NOD2: variants seen among roughly 807,000 people sequenced by gnomAD.
NOD2 encodes nucleotide binding oligomerization domain containing 2.
In NOD2, 86 loss-of-function variants were observed where a neutral mutation model predicts 90.9. The observed-to-expected ratio is 0.95, with a 90% confidence interval of 0.79 to 1.13. The LOEUF is 1.13. NOD2 is among the 50% of genes most tolerant of loss of function. The pLI, the probability that NOD2 is intolerant of heterozygous loss-of-function variation, is 0.00. For missense variants in NOD2, 1,238 were observed against 1,283.8 expected (o/e 0.96, Z 0.55); for synonymous variants, 581 against 554.6 (o/e 1.05, Z -0.67).
intron 2 of NOD2, 110 bp downstream of exon 2, chr16:50,700,064 T>C: frequency 2.0e-6 from 2 of 1,000,392 alleles, no homozygotes; most frequent in South Asian, 2.7e-5. Context: ...GTCCATGGGA[T>C]TTCCCCTAAA....
At chr16:50,720,828 G>A (rs988856069) in intron 7 of NOD2, among the ~76,000 whole-genome samples, 4 of 151,674 alleles carry the variant, frequency 2.6e-5, no homozygotes, top group Non-Finnish European at 4.4e-5. Flanking sequence ...TGTTTGAGAT[G>A]TAGTCTCACT....
chr16:50,718,528 G>A (rs888780946), intron 6 of NOD2, among the ~76,000 whole-genome samples: 2 of 152,222 alleles, frequency 1.3e-5, no homozygotes, highest in African/African-American at 4.8e-5. Flanking sequence ...TGAAACCATA[G>A]AAGGCGAAGC....
chr16:50,718,161 A>C (rs1964882852), intron 6 of NOD2, among the ~76,000 whole-genome samples: 1 of 152,228 alleles, frequency 6.6e-6, no homozygotes, highest in Non-Finnish European at 1.5e-5. Context: ...GTGTGGTGGT[A>C]AAATGCCTGT....
chr16:50,705,709 G>A, intron 2 of NOD2, among the ~76,000 whole-genome samples: 1 of 152,088 alleles, frequency 6.6e-6, no homozygotes. Context: ...CAGATCCTAG[G>A]GTACACACTG....
At chr16:50,721,378 G>T (rs574834403) in intron 7 of NOD2, among the ~76,000 whole-genome samples, 2,470 of 133,012 alleles carry the variant, frequency 0.019, 66 homozygotes, top group South Asian at 0.13. Flanking sequence ...TTTTTTTTTT[G>T]TTTGTTTGTT....
chr16:50,730,497 A>G (rs568089566), intron 11 of NOD2, among the ~76,000 whole-genome samples: 36 of 152,324 alleles, frequency 2.4e-4, no homozygotes, highest in Admixed American at 2.3e-3. Flanking sequence ...TCTTGTTTCC[A>G]GGGATCTATT....
chr16:50,712,581 G>A, intron 4 of NOD2: 1 of 647,954 alleles, frequency 1.5e-6, no homozygotes, highest in Non-Finnish European at 2.7e-6. Context: ...TATGTGCTGG[G>A]TCTGGTGCTA....
chr16:50,730,184 TGAAAA>T (rs2150843885), intron 11 of NOD2, among the ~76,000 whole-genome samples: 1 of 152,332 alleles, frequency 6.6e-6, no homozygotes, highest in Admixed American at 6.5e-5. Flanking sequence ...GGTTGAAGAA[TGAAAA>T]GAAAAGTCAG....
At chr16:50,699,244 G>A (rs1478110354) in intron 1 of NOD2, among the ~76,000 whole-genome samples, 2 of 152,148 alleles carry the variant, frequency 1.3e-5, no homozygotes, top group Non-Finnish European at 2.9e-5. Flanking sequence ...GCATGGATAT[G>A]GGAGTTAGGG....
rs554887705 is a variant in NOD2 at position 50,711,083 on chromosome 16, G to A, written c.1091G>A (p.Arg364His). ...FDEFKFRFTD[R>H]ERHCSPTDPT... ...GAGTTCAAGTTCAGGTTCACGGATC[G>A]TGAACGCCACTGCTCCCCGACCGAC... Residue 364 changes from arginine to histidine, a missense_variant, in exon 4 of 12, where the codon CGT (arginine) becomes CAT (histidine). Physicochemically the swap from Arg to His is conservative, Grantham distance 29 (BLOSUM62 0). This residue lies in a region of NOD2 where 567 missense variants were observed against 577.3 expected (regional missense o/e 0.98). Coordinates refer to ENST00000647318, the MANE Select transcript of NOD2 (RefSeq NM_001370466.1). 1.4e-4 allele frequency: 225 copies of A among 1,614,154 alleles called. No individual in the cohort carries two copies. The South Asian group carries it at 2.1e-3, about 15-fold the overall frequency.
chr16:50,725,654 T>TCC, intron 10 of NOD2, 82 bp downstream of exon 10: 1 of 1,066,266 alleles, frequency 9.4e-7, no homozygotes, highest in Non-Finnish European at 1.5e-6. Flanking sequence ...TGGGCCGCTC[T>TCC]CCGCTGGGCT....
At chr16:50,716,428 G>T (rs747183749) in intron 4 of NOD2, among the ~76,000 whole-genome samples, 159 bp from the exon 5 acceptor site, 4 of 152,152 alleles carry the variant, frequency 2.6e-5, no homozygotes, top group Non-Finnish European at 5.9e-5. Flanking sequence ...CAGGGACCGT[G>T]GGGTCTCCAC....
chr16:50,729,886 C>A lies in NOD2; in HGVS notation c.2954C>A (p.Thr985Asn). Reference protein sequence around the residue: ...ALLQALERNDTILEVWLRGNT... With the variant: ...ALLQALERNDNILEVWLRGNT... ...CTGCAGGCCCTTGAAAGGAATGACA[C>A]CATCCTGGAAGTCTGGTAAGGCCCC... The change falls in exon 11 of 12, where the codon ACC becomes AAC. Residue 985 changes from threonine to asparagine, a missense_variant. By Grantham distance (65) the Thr-to-Asn change is moderately conservative. This residue lies in a region of NOD2 where 667 missense variants were observed against 688.7 expected (regional missense o/e 0.97). Coordinates refer to ENST00000647318, the MANE Select transcript of NOD2 (RefSeq NM_001370466.1). 6.2e-7 allele frequency: 1 copy of A among 1,612,796 alleles called. No individual in the cohort carries two copies. The highest frequency in any genetic ancestry group is 1.1e-5 in the South Asian group (1 of 91,056).
intron 4 of NOD2, 183 bp downstream of exon 4, chr16:50,712,556 C>G (rs1467831810): frequency 1.2e-5 from 9 of 720,580 alleles, no homozygotes; most frequent in Non-Finnish European, 2.1e-5. Flanking sequence ...GACAGCCACA[C>G]TTTATTGACT....
At chr16:50,694,901 A>C (rs1340104006) in intron 1 of NOD2, among the ~76,000 whole-genome samples, 1 of 152,150 alleles carries the variant, frequency 6.6e-6, no homozygotes, top group African/African-American at 2.4e-5. Context: ...GAGTAAAACA[A>C]AGCTGGGAAG....
chr16:50,703,013 A>G (rs1361488035), intron 2 of NOD2, among the ~76,000 whole-genome samples: 1 of 152,242 alleles, frequency 6.6e-6, no homozygotes, highest in Non-Finnish European at 1.5e-5. Context: ...CTGAGGTGTC[A>G]GACTGAGCTC....
At chr16:50,707,834 T>C (rs375210071) in intron 2 of NOD2, 21 bp from the exon 3 acceptor site, 33 of 1,563,666 alleles carry the variant, frequency 2.1e-5, no homozygotes, top group South Asian at 8.9e-5. Context: ...GGAAGAATAA[T>C]GTCTTCTGCC....
chr16:50,699,913 T>C lies in NOD2; in HGVS notation c.418T>C (p.Cys140Arg), dbSNP rs769289791. The C allele has an allele frequency of 2.5e-6, 4 of 1,611,324 alleles. No homozygotes were observed. In the South Asian group the frequency reaches 4.4e-5, roughly 18 times the overall value. The change falls in exon 2 of 12, where the codon TGT becomes CGT. Residue 140 changes from cysteine (C) to arginine (R), a missense_variant. Physicochemically the swap from Cys to Arg is radical, Grantham distance 180 (BLOSUM62 -3). Transcript: ENST00000647318. ...GCGGGGTTTCGTCAGCCAGTATGAA[T>C]GTGATGAAATCAGGTTGCCGATCTT... is the stretch of plus-strand genomic sequence containing the variant. ...WERGFVSQYE[C>R]DEIRLPIFTP...
Position 50,712,112 on chromosome 16 carries a change from A to AT in NOD2, c.2121dup (p.Ala708CysfsTer44). 1 of 1,614,024 alleles carries AT rather than the reference A, an allele frequency of 6.2e-7. No individual in the cohort carries two copies. Among genetic ancestry groups the AT allele is most frequent in the East Asian group, 2.2e-5 (1 of 44,884 alleles). ...GCACCGGGTGAGGCCAAGAGCGTGCATGCCATGCCCGGGTTCATCTGGCTC... is the reference window on the plus strand; with the variant it reads ...GCACCGGGTGAGGCCAAGAGCGTGCATTGCCATGCCCGGGTTCATCTGGCTC... On this transcript the variant is annotated frameshift_variant, in exon 4 of 12. Transcript: ENST00000647318. LOFTEE classifies it high-confidence loss of function.
Sources: allele counts gnomAD v4.1 joint callset (sites outside exome capture counted in the v4.1 genomes callset), GRCh38; gene constraint gnomAD v4.1.1; regional missense constraint gnomAD v4.1.1; transcripts MANE v1.5; gene names NCBI Gene and HGNC (gene_info 2026-07-23, HGNC 2026-07-21).